WNK2: variants seen among roughly 807,000 people sequenced by gnomAD.
WNK2 encodes serine/threonine-protein kinase WNK2.
In WNK2, 67 loss-of-function variants were observed where a neutral mutation model predicts 192.1. The observed-to-expected ratio is 0.35, with a 90% CI of 0.29 to 0.43. The LOEUF (loss-of-function observed/expected upper bound fraction) is 0.43. Among genes scored for constraint, WNK2 ranks in the 20% least tolerant of loss-of-function variants. The probability of loss-of-function intolerance (pLI) is 1.00; values close to 1 mark genes in which losing one functional copy is unlikely to be tolerated. For missense variants in WNK2, 2,698 were observed against 3,089.7 expected, an observed-to-expected ratio of 0.87 and a Z score of 3.01; for synonymous variants, 1,439 against 1,393.9, an observed-to-expected ratio of 1.03 and a Z score of -0.72.
At chr9:93,276,727 G>A (rs1846950954) in intron 19 of WNK2, among the ~76,000 whole-genome samples, 1 of 152,176 alleles carries the variant, frequency 6.6e-6, no homozygotes, top group African/African-American at 2.4e-5. Flanking sequence ...AAACTCAACA[G>A]TAAAATGAGC....
chr9:93,293,256 G>A (rs574171223), intron 23 of WNK2, 83 bp downstream of exon 23: 29 of 1,340,932 alleles, frequency 2.2e-5, no homozygotes, highest in Non-Finnish European at 2.8e-5. Context: ...CTGGTGCCGG[G>A]GCTGAAGTCC....
At chr9:93,260,984 C>T (rs1283325673) in intron 12 of WNK2, among the ~76,000 whole-genome samples, 2 of 152,176 alleles carry the variant, frequency 1.3e-5, no homozygotes, top group Non-Finnish European at 2.9e-5. Context: ...GACTCAGTGG[C>T]TGTCCCTGCT....
chr9:93,289,655 G>A, intron 20 of WNK2, 35 bp downstream of exon 20: 1 of 1,431,726 alleles, frequency 7.0e-7, no homozygotes, highest in South Asian at 1.5e-5. Context: ...ACACTGCCCT[G>A]GGTCAGGGGC....
intron 8 of WNK2, among the ~76,000 whole-genome samples, chr9:93,248,846 G>T (rs951144590): frequency 2.0e-5 from 3 of 152,210 alleles, no homozygotes; most frequent in Non-Finnish European, 4.4e-5. Flanking sequence ...CTGTGAATAT[G>T]CATGGGATAG....
chr9:93,265,948 GT>G (rs537551419), intron 16 of WNK2, among the ~76,000 whole-genome samples: 1 of 152,302 alleles, frequency 6.6e-6, no homozygotes, highest in Non-Finnish European at 1.5e-5. Flanking sequence ...TCTCAGCCTT[GT>G]TTTTTTCACT....
At chr9:93,300,211 C>A (rs908153319) in intron 26 of WNK2, 62 bp downstream of exon 26, 37 of 1,354,080 alleles carry the variant, frequency 2.7e-5, no homozygotes, top group Non-Finnish European at 3.6e-5. Flanking sequence ...CCCCCACCCC[C>A]TCCCTGTCTT....
rs957427889 is a variant in WNK2 at position 93,292,760 on chromosome 9, G to A, written c.5295G>A (p.Leu1765=). Residue 1765 remains leucine, a synonymous_variant, in exon 23 of 30, where the codon CTG becomes CTA. Coordinates refer to ENST00000427277, the MANE Select transcript of WNK2 (RefSeq NM_006648.4). The stretch of plus-strand genomic sequence containing the variant: ...GGACCCTGGCCTCCCCCCACAGCCT[G>A]AGATACTCTGCCCCACCCGACGTCT... ...DEWTLASPHS[L]RYSAPPDVYL... The A allele has an allele frequency of 1.9e-6, 3 of 1,563,114 alleles. No homozygotes were observed. Among genetic ancestry groups the A allele is most frequent in the East Asian group, 4.8e-5 (2 of 41,544 alleles).
At chr9:93,208,624 C>T (rs202201710) in intron 2 of WNK2, among the ~76,000 whole-genome samples, 1,687 of 17,322 alleles carry the variant, frequency 0.097, 27 homozygotes, top group African/African-American at 0.27. Context: ...TGCACATGTA[C>T]GTGTTCTCCA....
intron 16 of WNK2, chr9:93,267,281 C>A: frequency 6.3e-6 from 1 of 157,952 alleles, no homozygotes; most frequent in Non-Finnish European, 1.4e-5. Context: ...CTTCCCGTCC[C>A]CCTGTTGCTT....
rs192784543 is a variant in WNK2, at chr9:93,257,927, C to G, written c.2382+788C>G. 2.0e-5 allele frequency among the ~76,000 whole-genome samples: 3 copies of G among 152,336 alleles called. No individual in the cohort carries two copies. In the East Asian group the frequency reaches 5.8e-4, roughly 29 times the overall value. On this transcript the variant is annotated intron_variant, in intron 11 of 29. Coordinates refer to ENST00000427277, the MANE Select transcript of WNK2 (RefSeq NM_006648.4). This position sits in a 1 kb window ranked among gnomAD's most constrained non-coding sequence, Gnocchi z 4.7. Reference sequence around the variant, plus strand: ...GGATTCTAGGTACTCCCGAGGGCTTCGGTGACCCGGACAGGCTGATCAGTG... The same window carrying G: ...GGATTCTAGGTACTCCCGAGGGCTTGGGTGACCCGGACAGGCTGATCAGTG...
Position 93,253,020 on chromosome 9 carries a change from G to A in WNK2, c.1972G>A (p.Glu658Lys), listed in dbSNP as rs1001292941. The change falls in exon 9 of 30, where the codon GAG becomes AAG. Residue 658 changes from glutamate (E) to lysine (K), a missense_variant. Coordinates refer to ENST00000427277, the MANE Select transcript of WNK2 (RefSeq NM_006648.4). ...AQCVCSPPVS[E>K]GPVLPQSLPS... The stretch of plus-strand genomic sequence containing the variant: ...GTGTGTGTGCAGCCCCCCTGTGAGC[G>A]AGGGGCCCGTCCTGCCGCAGAGCCT... 14 of 1,550,818 alleles carry A rather than the reference G, an allele frequency of 9.0e-6. No individual in the cohort carries two copies. Among genetic ancestry groups the A allele is most frequent in the Non-Finnish European group, 1.2e-5 (14 of 1,149,916 alleles).
At chr9:93,313,931 C>T (rs1854123990) in intron 28 of WNK2, among the ~76,000 whole-genome samples, 1 of 151,476 alleles carries the variant, frequency 6.6e-6, no homozygotes, top group African/African-American at 2.4e-5. Context: ...AGTTCAAGAC[C>T]AGCCTTTGCA....
intron 2 of WNK2, among the ~76,000 whole-genome samples, chr9:93,195,911 G>A (rs548123086): frequency 2.6e-5 from 4 of 152,032 alleles, no homozygotes; most frequent in Non-Finnish European, 5.9e-5. Flanking sequence ...TTTGCAAGAG[G>A]CCATGGTTCT....
At chr9:93,286,991 A>G (rs1848533603) in intron 19 of WNK2, among the ~76,000 whole-genome samples, 1 of 152,190 alleles carries the variant, frequency 6.6e-6, no homozygotes, top group Admixed American at 6.5e-5. Flanking sequence ...AGCAGAATGG[A>G]AGTTGCCAGC....
chr9:93,280,456 A>G (rs1847557700), intron 19 of WNK2, among the ~76,000 whole-genome samples: 1 of 152,236 alleles, frequency 6.6e-6, no homozygotes, highest in African/African-American at 2.4e-5. Context: ...TAATTTCTTT[A>G]AAAAGTAAAT....
At chr9:93,274,281 G>A (rs1846412639) in intron 19 of WNK2, among the ~76,000 whole-genome samples, 1 of 152,182 alleles carries the variant, frequency 6.6e-6, no homozygotes, top group South Asian at 2.1e-4. Context: ...CCAGCACTTT[G>A]GCGGGTGGAT....
chr9:93,290,122 C>A, intron 21 of WNK2, 75 bp downstream of exon 21: 1 of 1,328,984 alleles, frequency 7.5e-7, no homozygotes. Flanking sequence ...TCTGCATCCG[C>A]ACCCTCGTCT....
In WNK2 at chr9:93,292,803, T is replaced by G; in HGVS notation, c.5338T>G (p.Ser1780Ala). 6.5e-7 allele frequency: 1 copy of G among 1,539,726 alleles called. No homozygotes were observed. Among genetic ancestry groups the G allele is most frequent in the Non-Finnish European group, 8.8e-7 (1 of 1,142,752 alleles). ...PPDVYLDEAP[S>A]SPDVKLAVRR... ...CGACGTCTACCTGGACGAGGCCCCC[T>G]CCAGCCCCGACGTGAAGCTGGCAGT... Residue 1780 changes from serine to alanine, a missense_variant, in exon 23 of 30, where the codon TCC (serine) becomes GCC (alanine). By Grantham distance (99) the Ser-to-Ala change is moderately conservative. Coordinates refer to ENST00000427277, the MANE Select transcript of WNK2 (RefSeq NM_006648.4).
intron 2 of WNK2, among the ~76,000 whole-genome samples, chr9:93,222,410 G>A (rs1837075392): frequency 6.6e-6 from 1 of 152,120 alleles, no homozygotes; most frequent in African/African-American, 2.4e-5. Context: ...TCAAGTTCAG[G>A]TTTTTGCCTC....
Sources: gnomAD v4.1 joint callset for allele counts (sites outside exome capture counted in the v4.1 genomes callset) on GRCh38, gnomAD v4.1.1 for gene constraint, Gnocchi (gnomAD v3.1) non-coding constraint, MANE v1.5 for transcripts, NCBI Gene and HGNC (gene_info 2026-07-23, HGNC 2026-07-21) for gene names.